Variants in BRAP observed in about 807,000 individuals in gnomAD.
The protein encoded by BRAP is BRCA1 associated protein.
Under a neutral mutation model 73.4 loss-of-function variants are expected in BRAP, and 42 were observed. That is an observed-to-expected ratio of 0.57 (90% confidence interval 0.45 to 0.74). The LOEUF (loss-of-function observed/expected upper bound fraction) is 0.74, where lower values mean the gene tolerates loss of function less well. BRAP is among the 30% of genes least tolerant of loss of function. The pLI is 0.00. For synonymous variants in BRAP, 255 were observed against 267.4 expected (o/e 0.95, Z 0.45); for missense variants, 593 against 751.4 (o/e 0.79, Z 2.46).
chr12:111,655,741 C>T (rs1042126138), intron 9 of BRAP, 86 bp from the exon 10 acceptor site: 4 of 1,094,166 alleles, frequency 3.7e-6, no homozygotes, highest in Non-Finnish European at 4.1e-6. Flanking sequence ...ATTTAATGAT[C>T]CACAGAAAAC....
At chr12:111,648,831 CAGG>C (rs1380580596) in intron 11 of BRAP, among the ~76,000 whole-genome samples, 4 of 151,578 alleles carry the variant, frequency 2.6e-5, no homozygotes, top group Admixed American at 2.0e-4. Context: ...GAGGCTGAGG[CAGG>C]AGAATGGCGT....
At chr12:111,681,986 G>T in intron 2 of BRAP, 151 bp from the exon 3 acceptor site, 2 of 735,040 alleles carry the variant, frequency 2.7e-6, no homozygotes, top group East Asian at 2.8e-5. Context: ...GAATAGCTGA[G>T]TTTATGAGGG....
At chr12:111,657,261 C>A (rs1399282336) in intron 9 of BRAP, among the ~76,000 whole-genome samples, 1 of 152,070 alleles carries the variant, frequency 6.6e-6, no homozygotes, top group Non-Finnish European at 1.5e-5. Flanking sequence ...CCAGGCTGGT[C>A]TCAAACTCCT....
At chr12:111,660,956 CTTCAT>C (rs1886727890) in intron 6 of BRAP, among the ~76,000 whole-genome samples, 1 of 151,822 alleles carries the variant, frequency 6.6e-6, no homozygotes, top group African/African-American at 2.4e-5. Flanking sequence ...ACAATTAGGA[CTTCAT>C]TTCATGTCTG....
chr12:111,658,699 A>T, intron 9 of BRAP, 37 bp downstream of exon 9: 1 of 1,363,096 alleles, frequency 7.3e-7, no homozygotes, highest in Non-Finnish European at 1.0e-6. Context: ...AAAGAGCAGT[A>T]GAAACAGATA....
At chr12:111,657,097 G>T (rs541325804) in intron 9 of BRAP, among the ~76,000 whole-genome samples, 2 of 152,242 alleles carry the variant, frequency 1.3e-5, no homozygotes, top group South Asian at 4.2e-4. Context: ...AGGCTGGAGT[G>T]CAATGGCGCC....
At chr12:111,670,002 T>A (rs1358490254) in intron 5 of BRAP, 1 of 646,874 alleles carries the variant, frequency 1.5e-6, no homozygotes, top group East Asian at 3.2e-5. Flanking sequence ...ATCTTCATCT[T>A]TGCTTCTGGA....
rs985297642 is a variant in BRAP, at chr12:111,685,735, C to A, written c.58G>T (p.Ala20Ser). ...CCCGCGGCGCTGAAGCCGAAGCCGG[C>A]GGGGACAGGCGAGTGTTCCGCGAGC... Reference protein sequence around the residue: ...LELAEHSPVPAGFGFSAAAGE... With the variant: ...LELAEHSPVPSGFGFSAAAGE... The change falls in exon 1 of 12, where the codon GCC (alanine) becomes TCC (serine). Residue 20 changes from alanine to serine, a missense_variant. Physicochemically the swap from Ala to Ser is moderately conservative, Grantham distance 99 (BLOSUM62 1). This residue lies in a region of BRAP where 304 missense variants were observed against 337.7 expected (regional missense o/e 0.90). Transcript: ENST00000419234. 2.0e-5 allele frequency: 32 copies of A among 1,608,810 alleles called. No homozygotes were observed. Among genetic ancestry groups the A allele is most frequent in the Non-Finnish European group, 2.5e-5 (29 of 1,178,562 alleles).
At chr12:111,680,861 T>C (rs929938242) in intron 3 of BRAP, among the ~76,000 whole-genome samples, 1 of 152,220 alleles carries the variant, frequency 6.6e-6, no homozygotes, top group African/African-American at 2.4e-5. Context: ...TTGTGGATTA[T>C]CTAGCCAAAT....
At position 111,643,164 on chromosome 12, in the gene BRAP, T is replaced by C. The variant is rs572771627; in HGVS notation, c.*1035A>G. On this transcript the variant is annotated 3_prime_UTR_variant, in exon 12 of 12. Coordinates refer to ENST00000419234, the MANE Select transcript of BRAP (RefSeq NM_006768.5). ...CCTCTGTTGGCCCACACAAGCGTTA[T>C]ATGACTGTTCTAAAGGGGGCTCTGT... is the stretch of plus-strand genomic sequence containing the variant. The C allele has an allele frequency of 4.6e-5, 7 of 152,334 alleles. No individual in the cohort carries two copies. The South Asian group carries it at 1.0e-3, about 23-fold the overall frequency. The allele number at this position is 152,334 out of a possible 1,614,324, so 9.4% of individuals were successfully genotyped here.
Position 111,655,460 on chromosome 12 carries a change from G to C in BRAP, c.1311+106C>G, listed in dbSNP as rs971625727. ...CTCCACCTATTACCTGCCTGAGAAG[G>C]GAAGATGGTAAGATTCCTCTTTCCC... On this transcript the variant is annotated intron_variant, in intron 10 of 11. Transcript: ENST00000419234. 5.7e-6 allele frequency: 5 copies of C among 883,492 alleles called. No individual in the cohort carries two copies. The African/African-American group carries it at 8.4e-5, about 15-fold the overall frequency. 54.7% of individuals were successfully genotyped at this position (883,492 alleles called of 1,614,324 possible).
intron 5 of BRAP, chr12:111,669,722 A>C (rs531269306): frequency 7.6e-6 from 2 of 264,068 alleles, no homozygotes; most frequent in Non-Finnish European, 1.5e-5. Flanking sequence ...TGTACAGCTC[A>C]ATATTTAAAC....
chr12:111,651,635 CTTTTTTTTT>C (rs761275581), intron 10 of BRAP, among the ~76,000 whole-genome samples: 3 of 124,980 alleles, frequency 2.4e-5, no homozygotes, highest in Non-Finnish European at 5.1e-5. Flanking sequence ...GATTTCTTTT[CTTTTTTTTT>C]TTTTTTTTTT....
intron 1 of BRAP, among the ~76,000 whole-genome samples, chr12:111,685,226 ATAAT>A (rs1163347873): frequency 6.6e-6 from 1 of 152,270 alleles, no homozygotes; most frequent in Non-Finnish European, 1.5e-5. Context: ...TGTTGCAAAG[ATAAT>A]TAAAGAATAC....
At chr12:111,644,897 C>G (rs1886048903) in intron 11 of BRAP, among the ~76,000 whole-genome samples, 1 of 151,834 alleles carries the variant, frequency 6.6e-6, no homozygotes, top group Non-Finnish European at 1.5e-5. Flanking sequence ...GCTGGGATTA[C>G]AGGCACCTGC....
In BRAP at chr12:111,660,587, AC is replaced by A; in HGVS notation, c.972+12del. 1 of 1,592,904 alleles carries A rather than the reference AC, an allele frequency of 6.3e-7. No homozygotes were observed. Among genetic ancestry groups the A allele is most frequent in the South Asian group, 1.1e-5 (1 of 87,174 alleles). On this transcript the variant is annotated intron_variant, in intron 7 of 11. Transcript: ENST00000419234. ...GCTGCATTCTTTGTTCTTTTCCATC[AC>A]CCATTACTTACTTCCTGAACACCAC...
intron 5 of BRAP, among the ~76,000 whole-genome samples, chr12:111,667,274 C>T (rs1034272346): frequency 6.6e-6 from 1 of 152,118 alleles, no homozygotes; most frequent in Admixed American, 6.6e-5. Context: ...AAGAGCTCAG[C>T]GAGCAGTTAC....
At chr12:111,661,732 G>C (rs1886763431) in intron 6 of BRAP, among the ~76,000 whole-genome samples, 1 of 144,052 alleles carries the variant, frequency 6.9e-6, no homozygotes. Flanking sequence ...TTTTTTGTGA[G>C]ACAGAGTCCT....
At chr12:111,663,762 C>T (rs1176386184) in intron 6 of BRAP, among the ~76,000 whole-genome samples, 1 of 152,186 alleles carries the variant, frequency 6.6e-6, no homozygotes, top group Non-Finnish European at 1.5e-5. Flanking sequence ...CTCAGCATCT[C>T]TCACAGTTCT....
Sources: gnomAD v4.1 joint callset for allele counts (sites outside exome capture counted in the v4.1 genomes callset) on GRCh38, gnomAD v4.1.1 for gene constraint, gnomAD v4.1.1 regional missense constraint, MANE v1.5 for transcripts, NCBI Gene and HGNC (gene_info 2026-07-23, HGNC 2026-07-21) for gene names.